The following AP2B1 variants were observed in gnomAD, a reference collection of about 807,000 sequenced individuals.
AP2B1 encodes the protein AP-2 complex subunit beta.
Under a neutral mutation model 102.0 loss-of-function variants are expected in AP2B1, and 23 were observed. The ratio of observed to expected loss-of-function variants is 0.23; its 90% CI spans 0.16 to 0.32. AP2B1 has a LOEUF of 0.32. Ranked by LOEUF, AP2B1 falls within the 10% of genes least tolerant of loss-of-function variation. AP2B1 has a pLI of 1.00. For synonymous variants in AP2B1, 381 were observed against 421.2 expected, an observed-to-expected ratio of 0.90 and a Z score of 1.17; for missense variants, 541 against 1,157.4, an observed-to-expected ratio of 0.47 and a Z score of 7.73.
intron 5 of AP2B1, among the ~76,000 whole-genome samples, chr17:35,621,013 A>T (rs978967559): frequency 1.3e-5 from 2 of 152,248 alleles, no homozygotes; most frequent in Non-Finnish European, 2.9e-5. Flanking sequence ...TTGTCTTAGT[A>T]TACAGGTGAG....
At chr17:35,702,565 A>G (rs1279553520) in intron 18 of AP2B1, among the ~76,000 whole-genome samples, 1 of 152,202 alleles carries the variant, frequency 6.6e-6, no homozygotes, top group Non-Finnish European at 1.5e-5. Context: ...TGAGATGGAA[A>G]GGTTTGAGCA....
intron 21 of AP2B1, among the ~76,000 whole-genome samples, chr17:35,718,312 CTGTGTGTGTGTGTG>C (rs57852031): frequency 0.025 from 3,501 of 139,338 alleles, 104 homozygotes; most frequent in African/African-American, 0.076. Context: ...GTTGGAGTAG[CTGTGTGTGTGTGTG>C]TGTGTGTGTG....
chr17:35,667,961 G>A (rs34874930), intron 14 of AP2B1, among the ~76,000 whole-genome samples: 10,224 of 135,398 alleles, frequency 0.076, 423 homozygotes, highest in Middle Eastern at 0.13. Flanking sequence ...TTTTTGAGAC[G>A]GAGTCTTGGT....
In AP2B1 at chr17:35,682,742, T is replaced by A; in HGVS notation, c.2372T>A (p.Met791Lys). Reference sequence around the variant, plus strand: ...CCTCTGGCCATCCATACACCACTGATGCCAAACCAGAGCATTGATGTCTCC... The same window carrying A: ...CCTCTGGCCATCCATACACCACTGAAGCCAAACCAGAGCATTGATGTCTCC... ...STPLAIHTPL[M>K]PNQSIDVSLP... is the part of the protein sequence containing the mutation. The change falls in exon 18 of 22, where the codon ATG (methionine) becomes AAG (lysine). Residue 791 changes from methionine to lysine, a missense_variant. Physicochemically the swap from Met to Lys is moderately conservative, Grantham distance 95. Around this residue, in one of 10 missense-constraint regions of AP2B1, gnomAD observed 117 missense variants for 206.7 expected, o/e 0.57. Transcript: ENST00000610402. 6.2e-7 allele frequency: 1 copy of A among 1,613,004 alleles called. No individual in the cohort carries two copies. The highest frequency in any genetic ancestry group is 8.5e-7 in the Non-Finnish European group (1 of 1,179,224).
chr17:35,661,036 G>C (rs2075347593), intron 14 of AP2B1, among the ~76,000 whole-genome samples: 1 of 152,094 alleles, frequency 6.6e-6, no homozygotes, highest in Admixed American at 6.6e-5. Flanking sequence ...TTTCAGGAAG[G>C]CTATCAACCA....
intron 16 of AP2B1, among the ~76,000 whole-genome samples, chr17:35,673,225 T>A (rs577865483): frequency 1.3e-5 from 2 of 152,266 alleles, no homozygotes; most frequent in South Asian, 4.2e-4. Context: ...ATTTTATTTT[T>A]TTTTAGACGG....
chr17:35,643,775 AT>A (rs1318394211), intron 12 of AP2B1, among the ~76,000 whole-genome samples: 1 of 152,174 alleles, frequency 6.6e-6, no homozygotes, highest in Non-Finnish European at 1.5e-5. Context: ...AAACTACCCT[AT>A]TTGGATCTGT....
intron 3 of AP2B1, among the ~76,000 whole-genome samples, chr17:35,603,790 G>A (rs540903577): frequency 6.6e-6 from 1 of 152,302 alleles, no homozygotes; most frequent in South Asian, 2.1e-4. Context: ...GTAGTAGATG[G>A]ATATGAAGAA....
At chr17:35,674,829 C>G (rs949827014) in intron 17 of AP2B1, among the ~76,000 whole-genome samples, 1 of 152,186 alleles carries the variant, frequency 6.6e-6, no homozygotes, top group African/African-American at 2.4e-5. Context: ...GGAAACTCAT[C>G]CAAATGCGAT....
intron 3 of AP2B1, among the ~76,000 whole-genome samples, chr17:35,604,498 C>T (rs890217336): frequency 6.6e-6 from 1 of 151,832 alleles, no homozygotes; most frequent in Admixed American, 6.6e-5. Flanking sequence ...TGGCTCACAT[C>T]TGTAATCCCA....
At chr17:35,688,080 A>T (rs1209789215) in intron 18 of AP2B1, among the ~76,000 whole-genome samples, 2 of 152,188 alleles carry the variant, frequency 1.3e-5, no homozygotes, top group African/African-American at 4.8e-5. Context: ...AATGCCTGGA[A>T]CATAGCTGTC....
At position 35,670,915 on chromosome 17, in the gene AP2B1, T is replaced by G. The variant is rs760005720; in HGVS notation, c.2031+17T>G. 2 of 1,613,830 alleles carry G rather than the reference T, an allele frequency of 1.2e-6. No individual in the cohort carries two copies. The highest frequency in any genetic ancestry group is 1.1e-5 in the South Asian group (1 of 91,062). ...AGTCCGGCAGTAAGTGCCATCTGTT[T>G]TTTTCACCATGAGAAGCACTGCCCC... On this transcript the variant is annotated intron_variant, in intron 15 of 21. Coordinates refer to ENST00000610402, the MANE Select transcript of AP2B1 (RefSeq NM_001030006.2).
At chr17:35,710,677 T>C (rs2076428055) in intron 20 of AP2B1, among the ~76,000 whole-genome samples, 1 of 152,200 alleles carries the variant, frequency 6.6e-6, no homozygotes, top group Non-Finnish European at 1.5e-5. Context: ...ATTTTCTTCT[T>C]TTATATCAAT....
rs141543441 is a variant in AP2B1 at position 35,628,009 on chromosome 17, C to T, written c.1155+283C>T. On this transcript the variant is annotated intron_variant, in intron 9 of 21. Coordinates refer to ENST00000610402, the MANE Select transcript of AP2B1 (RefSeq NM_001030006.2). ...CCACATCCGTGGATTCAGCTAACTG[C>T]GGATCAAAAATATTCAGGGGAAAAG... 2.5e-3 allele frequency among the ~76,000 whole-genome samples: 385 copies of T among 152,114 alleles called. 6 individuals are homozygous for T. Among genetic ancestry groups the T allele is most frequent in the African/African-American group, 8.7e-3 (361 of 41,492 alleles).
intron 14 of AP2B1, 122 bp downstream of exon 14, chr17:35,657,913 A>C: frequency 1.2e-6 from 1 of 809,032 alleles, no homozygotes; most frequent in Non-Finnish European, 1.9e-6. Flanking sequence ...GTCCTTTGAT[A>C]AAGGACAGGA....
At chr17:35,683,563 G>T (rs1431792647) in intron 18 of AP2B1, among the ~76,000 whole-genome samples, 3 of 152,188 alleles carry the variant, frequency 2.0e-5, no homozygotes, top group Non-Finnish European at 2.9e-5. Context: ...TGGTCTACAA[G>T]AGCCTCTTTA....
rs566995671 is a variant in AP2B1 at position 35,592,563 on chromosome 17, G to A, written c.-23-1445G>A. Among the ~76,000 whole-genome samples, 3 of 151,868 alleles carry A rather than the reference G, an allele frequency of 2.0e-5. No individual in the cohort carries two copies. In the East Asian group the frequency reaches 5.8e-4, roughly 29 times the overall value. On this transcript the variant is annotated intron_variant, in intron 1 of 21. Transcript: ENST00000610402. Reference sequence around the variant, plus strand: ...CCTATTTATTTATTTATTTATTTGAGATGGACTTTTGCTCTGTTGCCCAGG... The same window carrying A: ...CCTATTTATTTATTTATTTATTTGAAATGGACTTTTGCTCTGTTGCCCAGG...
In AP2B1 at chr17:35,714,515, A is replaced by T. The variant is rs587636727; in HGVS notation, c.2627-2680A>T. 5.3e-5 allele frequency among the ~76,000 whole-genome samples: 8 copies of T among 152,334 alleles called. No individual in the cohort carries two copies. The South Asian group carries it at 1.7e-3, about 32-fold the overall frequency. ...TAAGAGTTGAGGCCCCAGATTCAAA[A>T]TGCCAAATTTATGGAAGGATACAAA... On this transcript the variant is annotated intron_variant, in intron 20 of 21. Transcript: ENST00000610402.
intron 2 of AP2B1, among the ~76,000 whole-genome samples, chr17:35,595,784 T>A (rs2073251001): frequency 6.6e-6 from 1 of 152,316 alleles, no homozygotes; most frequent in South Asian, 2.1e-4. Context: ...CAAAAGCCAT[T>A]AGCCACTTGT....
Sources: allele counts gnomAD v4.1 joint callset (sites outside exome capture counted in the v4.1 genomes callset), GRCh38; gene constraint gnomAD v4.1.1; regional missense constraint gnomAD v4.1.1; transcripts MANE v1.5; gene names NCBI Gene and HGNC (gene_info 2026-07-23, HGNC 2026-07-21).